Variants in CCDC187 observed in about 807,000 individuals in gnomAD.
CCDC187 encodes the protein coiled-coil domain-containing protein 187.
CCDC187 carries 32 observed loss-of-function variants against 38.0 expected under a neutral mutation model. The observed-to-expected ratio is 0.84, with a 90% CI of 0.64 to 1.13. The LOEUF (loss-of-function observed/expected upper bound fraction) is 1.13, where lower values mean the gene tolerates loss of function less well. Among genes scored for constraint, CCDC187 ranks in the 50% most tolerant of loss-of-function variants. The pLI, the probability that CCDC187 is intolerant of heterozygous loss-of-function variation, is 0.00. For synonymous variants in CCDC187, 333 were observed against 347.9 expected (o/e 0.96, Z 0.48); for missense variants, 707 against 786.8 (o/e 0.90, Z 1.21).
intron 7 of CCDC187, among the ~76,000 whole-genome samples, chr9:136,289,709 G>C (rs1408449714): frequency 6.6e-6 from 1 of 152,148 alleles, no homozygotes; most frequent in Non-Finnish European, 1.5e-5. Context: ...CAATGCCACG[G>C]AACGTGCACT....
chr9:136,255,612 T>G, intron 25 of CCDC187, 45 bp downstream of exon 25: 1 of 895,206 alleles, frequency 1.1e-6, no homozygotes, highest in Non-Finnish European at 1.3e-6. Flanking sequence ...GGACCCTTAG[T>G]GGGGACTCGA....
At chr9:136,285,464 CGGGCAGGTGGGCAGGTGGGCAGGT>C (rs1158075604) in intron 9 of CCDC187, 25 bp downstream of exon 9, 59 of 53,954 alleles carry the variant, frequency 1.1e-3, no homozygotes, top group African/African-American at 6.8e-4. Flanking sequence ...GGTGGGCAGG[CGGGCAGGTGGGCAGGTGGGCAGGT>C]GGGCAGGTGG....
rs539171527 is a variant in CCDC187 at position 136,257,937 on chromosome 9, C to T, written c.4366+995G>A. ...GAGAACATAAGTCAGGCCTCAGGCT[C>T]CTCCTCTGCTGCGTGGGCATAACGA... On this transcript the variant is annotated intron_variant, in intron 22 of 25. Coordinates refer to ENST00000638797, the MANE Select transcript of CCDC187 (RefSeq NM_001378188.1). This position sits in a 1 kb window ranked among gnomAD's most constrained non-coding sequence, Gnocchi z 4.5. 6.6e-6 allele frequency among the ~76,000 whole-genome samples: 1 copy of T among 152,330 alleles called. No homozygotes were observed. The highest frequency in any genetic ancestry group is 6.5e-5 in the Admixed American group (1 of 15,300).
rs1160780111 is a variant in CCDC187, at chr9:136,293,528, C to CAT, written c.833-1234_833-1233insAT. Among the ~76,000 whole-genome samples, 181 of 142,684 alleles carry CAT rather than the reference C, an allele frequency of 1.3e-3. 5 individuals are homozygous for CAT. Among genetic ancestry groups the CAT allele is most frequent in the African/African-American group, 3.1e-3 (119 of 38,926 alleles). The allele number at this position is 142,684 out of a possible 152,430, so 93.6% of individuals were successfully genotyped here. On this transcript the variant is annotated intron_variant, in intron 4 of 25. Coordinates refer to ENST00000638797, the MANE Select transcript of CCDC187 (RefSeq NM_001378188.1). ...TCACAAACACACATGCTCACATACA[C>CAT]GCTTACACACTCACACTGACATGCT... is the stretch of plus-strand genomic sequence containing the variant.
chr9:136,266,614 G>A (rs1400187744), intron 16 of CCDC187: 6 of 152,208 alleles, frequency 3.9e-5, no homozygotes, highest in African/African-American at 1.4e-4. Flanking sequence ...CCGGAGATCC[G>A]GGACAAGCGA....
At chr9:136,259,283 A>G (rs1830652280) in intron 21 of CCDC187, 80 bp downstream of exon 21, 1 of 432,358 alleles carries the variant, frequency 2.3e-6, no homozygotes, top group East Asian at 1.9e-4. Flanking sequence ...AGATCAAGTC[A>G]CAGATTGGCA....
intron 11 of CCDC187, 132 bp downstream of exon 11, chr9:136,276,519 C>G (rs1298315742): frequency 1.3e-5 from 2 of 152,198 alleles, no homozygotes; most frequent in Non-Finnish European, 2.9e-5. Flanking sequence ...CCCTCTCACC[C>G]GGCCACTCTG....
intron 25 of CCDC187, 98 bp downstream of exon 25, chr9:136,255,559 G>A (rs1554760167): frequency 2.3e-6 from 1 of 435,870 alleles, no homozygotes; most frequent in Non-Finnish European, 3.1e-6. Flanking sequence ...CAGGGGCTGC[G>A]TATTGTGGGG....
chr9:136,297,197 C>T (rs930983178), intron 4 of CCDC187, among the ~76,000 whole-genome samples: 8 of 150,606 alleles, frequency 5.3e-5, no homozygotes, highest in African/African-American at 2.0e-4. Context: ...CTGTGGGTGC[C>T]GTGAGTTGCG....
Position 136,302,928 on chromosome 9 carries a change from G to A in CCDC187, c.509C>T (p.Ala170Val). Reference sequence around the variant, plus strand: ...GGAGGGGGCTGAGGTGCCCAGGGACGCACAGCTCCCCTGCTGCCACGCCTG... The same window carrying A: ...GGAGGGGGCTGAGGTGCCCAGGGACACACAGCTCCCCTGCTGCCACGCCTG... ...RAQAWQQGSC[A>V]SLGTSAPSSA... The change falls in exon 2 of 26, where the codon GCG (alanine) becomes GTG (valine). Residue 170 changes from alanine (A) to valine (V), a missense_variant. Transcript: ENST00000638797. The A allele has an allele frequency of 2.5e-6, 1 of 398,716 alleles. No homozygotes were observed. The highest frequency in any genetic ancestry group is 4.4e-6 in the Non-Finnish European group (1 of 226,130). 24.7% of individuals were successfully genotyped at this position (398,716 alleles called of 1,614,324 possible). A position where few individuals can be genotyped will look rare whatever the true frequency, so the allele number is the denominator to read the frequency against.
intron 19 of CCDC187, among the ~76,000 whole-genome samples, chr9:136,260,956 C>T (rs1180193973): frequency 6.6e-6 from 1 of 152,164 alleles, no homozygotes; most frequent in Non-Finnish European, 1.5e-5. Flanking sequence ...CTCCAGGGCC[C>T]GGCACTCAGC....
Position 136,250,555 on chromosome 9 carries a change from A to T in CCDC187, c.*3039T>A, listed in dbSNP as rs1488140226. 5.7e-6 allele frequency: 2 copies of T among 348,720 alleles called. No individual in the cohort carries two copies. Among genetic ancestry groups the T allele is most frequent in the African/African-American group, 2.1e-5 (1 of 46,672 alleles). 21.6% of individuals were successfully genotyped at this position (348,720 alleles called of 1,614,324 possible). A position where few individuals can be genotyped will look rare whatever the true frequency, so the allele number is the denominator to read the frequency against. Reference sequence around the variant, plus strand: ...GGGTCAGCAATAAATGGAAAAAAATAAAAAATCACAGACTAATTTGTTCAG... The same window carrying T: ...GGGTCAGCAATAAATGGAAAAAAATTAAAAATCACAGACTAATTTGTTCAG... On this transcript the variant is annotated 3_prime_UTR_variant, in exon 26 of 26. Transcript: ENST00000638797.
intron 14 of CCDC187, among the ~76,000 whole-genome samples, chr9:136,271,798 G>C (rs1554762456): frequency 6.6e-6 from 1 of 151,738 alleles, no homozygotes; most frequent in African/African-American, 2.4e-5. Context: ...TAGTAGAGAT[G>C]GGGTTTCACC....
At chr9:136,261,922 CG>C (rs1564308019) in intron 19 of CCDC187, among the ~76,000 whole-genome samples, 1 of 152,238 alleles carries the variant, frequency 6.6e-6, no homozygotes, top group African/African-American at 2.4e-5. Flanking sequence ...ATCAGGAAGC[CG>C]GGAGGCTCTT....
In CCDC187 at chr9:136,257,540, C is replaced by T. The variant is rs1554760458; in HGVS notation, c.4367-699G>A. Among the ~76,000 whole-genome samples the T allele has an allele frequency of 6.6e-6, 1 of 152,130 alleles. No homozygotes were observed. The highest frequency in any genetic ancestry group is 1.5e-5 in the Non-Finnish European group (1 of 68,026). Reference sequence around the variant, plus strand: ...GCCGGTGGGGGGCAGGCCTCGGACACAGCAAGGCCACCAGTGCACCGCCGG... The same window carrying T: ...GCCGGTGGGGGGCAGGCCTCGGACATAGCAAGGCCACCAGTGCACCGCCGG... On this transcript the variant is annotated intron_variant, in intron 22 of 25. Coordinates refer to ENST00000638797, the MANE Select transcript of CCDC187 (RefSeq NM_001378188.1). The surrounding 1 kb of genome is among the most constrained non-coding windows in gnomAD (Gnocchi z 4.5).
chr9:136,250,686 C>A lies in CCDC187; in HGVS notation c.*2908G>T. 1 of 454,160 alleles carries A rather than the reference C, an allele frequency of 2.2e-6. No individual in the cohort carries two copies. Among genetic ancestry groups the A allele is most frequent in the South Asian group, 1.6e-5 (1 of 64,304 alleles). 28.1% of individuals were successfully genotyped at this position (454,160 alleles called of 1,614,324 possible). On this transcript the variant is annotated 3_prime_UTR_variant, in exon 26 of 26. Coordinates refer to ENST00000638797, the MANE Select transcript of CCDC187 (RefSeq NM_001378188.1). ...ATTCCCCACTGGATCCAAACATCTG[C>A]ATTCTCAGGTGGGCTGGGCAGGAGC...
Position 136,264,940 on chromosome 9 carries a change from C to T in CCDC187, c.3735+1016G>A, listed in dbSNP as rs549548142. Among the ~76,000 whole-genome samples, 6 of 152,216 alleles carry T rather than the reference C, an allele frequency of 3.9e-5. No individual in the cohort carries two copies. Among genetic ancestry groups the T allele is most frequent in the Non-Finnish European group, 5.9e-5 (4 of 67,994 alleles). ...GTGGCAGATTTATTTTTTGTAGAGA[C>T]GGGGTCTTGCTATGTTGCCCAGGCC... On this transcript the variant is annotated intron_variant, in intron 17 of 25. Transcript: ENST00000638797. This position sits in a 1 kb window ranked among gnomAD's most constrained non-coding sequence, Gnocchi z 4.3.
At chr9:136,297,934 T>A in intron 3 of CCDC187, 113 bp from the exon 4 acceptor site, 1 of 393,244 alleles carries the variant, frequency 2.5e-6, no homozygotes, top group Middle Eastern at 6.4e-4. Context: ...CCTAGAGCCA[T>A]ACACATTGCC....
At chr9:136,281,234 G>A (rs1261566466) in intron 10 of CCDC187, 3 of 396,504 alleles carry the variant, frequency 7.6e-6, no homozygotes, top group Non-Finnish European at 1.3e-5. Flanking sequence ...AGTCGAATCC[G>A]AGCTGATGGG....
Sources: gnomAD v4.1 joint callset for allele counts (sites outside exome capture counted in the v4.1 genomes callset) on GRCh38, gnomAD v4.1.1 for gene constraint, Gnocchi (gnomAD v3.1) non-coding constraint, MANE v1.5 for transcripts, NCBI Gene and HGNC (gene_info 2026-07-23, HGNC 2026-07-21) for gene names.